Variants in ABCC6 observed in about 807,000 individuals in gnomAD.
ABCC6 encodes the protein ATP binding cassette subfamily C member 6, also known as ATP-binding cassette sub-family C member 6.
A neutral mutation model predicts 169.5 loss-of-function variants in ABCC6; 126 were observed. That is an observed-to-expected ratio of 0.74 (90% CI 0.64 to 0.86). ABCC6 has a LOEUF of 0.86. ABCC6 is among the 40% of genes least tolerant of loss of function. ABCC6 has a pLI of 0.00. For missense variants in ABCC6, 1,733 were observed against 1,927.2 expected (o/e 0.90, Z 1.89); for synonymous variants, 752 against 814.7 (o/e 0.92, Z 1.31).
At chr16:16,182,652 G>C in intron 16 of ABCC6, 64 bp from the exon 17 acceptor site, 1 of 1,594,832 alleles carries the variant, frequency 6.3e-7, no homozygotes, top group Non-Finnish European at 8.6e-7. Context: ...AGGTTTTGAG[G>C]AGCAGTGGGA....
At chr16:16,193,549 A>G (rs1438588598) in intron 10 of ABCC6, among the ~76,000 whole-genome samples, 4 of 152,136 alleles carry the variant, frequency 2.6e-5, no homozygotes, top group Non-Finnish European at 5.9e-5. Context: ...CACAGTCTCT[A>G]CTAAAAATAT....
intron 21 of ABCC6, among the ~76,000 whole-genome samples, chr16:16,172,238 T>G (rs1282190633): frequency 2.2e-5 from 3 of 133,698 alleles, no homozygotes; most frequent in Non-Finnish European, 4.7e-5. Flanking sequence ...AATGGGTGGG[T>G]GGGATGGATA....
intron 18 of ABCC6, among the ~76,000 whole-genome samples, chr16:16,178,467 A>G (rs888588627): frequency 6.6e-5 from 10 of 152,110 alleles, no homozygotes; most frequent in African/African-American, 2.4e-4. Flanking sequence ...TCTTGTAAAC[A>G]GCATATCCAA....
Position 16,151,071 on chromosome 16 carries a change from CT to C in ABCC6, c.4209-300del, listed in dbSNP as rs535584833. Among the ~76,000 whole-genome samples, 108 of 146,616 alleles carry C rather than the reference CT, an allele frequency of 7.4e-4. No individual in the cohort carries two copies. The East Asian group carries it at 0.013, about 18-fold the overall frequency. ...GGCTCTTTTTTTCTTCTTCGTTTTT[CT>C]TTTTTTTTTTGAGACGGAGTCTTGC... is the stretch of plus-strand genomic sequence containing the variant. On this transcript the variant is annotated intron_variant, in intron 29 of 30. Transcript: ENST00000205557.
Position 16,185,028 on chromosome 16 carries a change from C to T in ABCC6, c.1874G>A (p.Gly625Glu). The stretch of plus-strand genomic sequence containing the variant: ...ACTGTGTATGGTGATGCAATCCTTC[C>T]CGGCAGCTGCAGGGCACAAGAGGCC... ...VDSSSSGSAA[G>E]KDCITIHSAT... is the part of the protein sequence containing the mutation. Residue 625 changes from glycine (G) to glutamate (E), a missense_variant, in exon 15 of 31, where the codon GGG becomes GAG. Physicochemically the swap from Gly to Glu is moderately conservative, Grantham distance 98. Transcript: ENST00000205557. 2 of 1,613,614 alleles carry T rather than the reference C, an allele frequency of 1.2e-6. No individual in the cohort carries two copies. The highest frequency in any genetic ancestry group is 1.3e-5 in the African/African-American group (1 of 75,038).
intron 17 of ABCC6, 59 bp downstream of exon 17, chr16:16,182,353 A>G: frequency 6.3e-7 from 1 of 1,599,840 alleles, no homozygotes; most frequent in Non-Finnish European, 8.6e-7. Flanking sequence ...TGAGTCGGGG[A>G]CCCAAATGAC....
rs2046785128 is a variant in ABCC6, at chr16:16,163,330, G to T, written c.3307-138C>A. ...CTTACTGTGTGACCTTGGGCTAGTT[G>T]CTTGCCCTCTCTGGGTTCTCATTTC... On this transcript the variant is annotated intron_variant, in intron 23 of 30. Coordinates refer to ENST00000205557, the MANE Select transcript of ABCC6 (RefSeq NM_001171.6). The T allele has an allele frequency of 2.5e-5, 20 of 784,828 alleles. No individual in the cohort carries two copies. The South Asian group carries it at 2.7e-4, about 11-fold the overall frequency. The allele number at this position is 784,828 out of a possible 1,614,324, so 48.6% of individuals were successfully genotyped here.
intron 23 of ABCC6, among the ~76,000 whole-genome samples, chr16:16,165,167 T>C (rs1287357543): frequency 3.3e-5 from 5 of 152,186 alleles, no homozygotes; most frequent in Non-Finnish European, 7.3e-5. Flanking sequence ...TCCCAGAACT[T>C]TGGGAGGCCA....
Position 16,153,945 on chromosome 16 carries a change from T to A in ABCC6, c.4208+683A>T, listed in dbSNP as rs930389823. On this transcript the variant is annotated intron_variant, in intron 29 of 30. Coordinates refer to ENST00000205557, the MANE Select transcript of ABCC6 (RefSeq NM_001171.6). Reference sequence around the variant, plus strand: ...AAAAAAAAAAGGTTGAGATAGTAAATTTTATGTGTATCTTTCCACACAGCT... The same window carrying A: ...AAAAAAAAAAGGTTGAGATAGTAAAATTTATGTGTATCTTTCCACACAGCT... Among the ~76,000 whole-genome samples the A allele has an allele frequency of 3.7e-4, 56 of 151,180 alleles. 1 individual carries two copies. The highest frequency in any genetic ancestry group is 3.7e-3 in the Admixed American group (56 of 15,136).
Position 16,154,687 on chromosome 16 carries a change from C to T in ABCC6, c.4149G>A (p.Leu1383=), listed in dbSNP as rs757540398. Reference sequence around the variant, plus strand: ...GCAGCTGGCCGGGCAGGCTGGCCACCAAGGCTTTGAGCTGCACCGTCTCCA... The same window carrying T: ...GCAGCTGGCCGGGCAGGCTGGCCACTAAGGCTTTGAGCTGCACCGTCTCCA... ...AALETVQLKA[L]VASLPGQLQY... is the part of the protein sequence containing the mutation. The change falls in exon 29 of 31, where the codon TTG becomes TTA. Residue 1383 remains leucine, a synonymous_variant. Transcript: ENST00000205557. 2.5e-6 allele frequency: 4 copies of T among 1,613,448 alleles called. No homozygotes were observed. The highest frequency in any genetic ancestry group is 3.4e-6 in the Non-Finnish European group (4 of 1,179,990).
At chr16:16,221,084 A>G (rs1197487821) in intron 2 of ABCC6, 1 of 782,876 alleles carries the variant, frequency 1.3e-6, no homozygotes, top group African/African-American at 1.9e-5. Flanking sequence ...GGCGGGTGAT[A>G]ATGTAAAAAT....
At chr16:16,184,715 G>C (rs1220638973) in intron 15 of ABCC6, among the ~76,000 whole-genome samples, 1 of 152,056 alleles carries the variant, frequency 6.6e-6, no homozygotes, top group African/African-American at 2.4e-5. Context: ...TCCCCCTAAT[G>C]GGGGAGGCTC....
In ABCC6 at chr16:16,153,463, C is replaced by T. The variant is rs148590881; in HGVS notation, c.4208+1165G>A. On this transcript the variant is annotated intron_variant, in intron 29 of 30. Transcript: ENST00000205557. ...CAAAAGGACAGATCCTATGATTCTG[C>T]GTCTATGCAGTGTCTAGAGTAGTCA... Among the ~76,000 whole-genome samples, 185 of 152,134 alleles carry T rather than the reference C, an allele frequency of 1.2e-3. 1 individual carries two copies. In the Middle Eastern group the frequency reaches 0.024, roughly 20 times the overall value.
chr16:16,205,542 A>T (rs1473279475), intron 7 of ABCC6, among the ~76,000 whole-genome samples: 2 of 151,958 alleles, frequency 1.3e-5, no homozygotes, highest in Non-Finnish European at 2.9e-5. Flanking sequence ...GCATCTATGG[A>T]GGGTTGTGGT....
intron 2 of ABCC6, 85 bp downstream of exon 2, chr16:16,221,564 T>C: frequency 6.4e-7 from 1 of 1,557,572 alleles, no homozygotes; most frequent in Non-Finnish European, 8.7e-7. Flanking sequence ...AGGAGGAGTC[T>C]ACTTTAAGAC....
Position 16,177,596 on chromosome 16 carries a change from T to G in ABCC6, c.2446A>C (p.Ile816Leu). The change falls in exon 19 of 31, where the codon ATC becomes CTC. Residue 816 changes from isoleucine (I) to leucine (L), a missense_variant. This residue lies in a region of ABCC6 where 1,601 missense variants were observed against 1,635.5 expected (regional missense o/e 0.98). Coordinates refer to ENST00000205557, the MANE Select transcript of ABCC6 (RefSeq NM_001171.6). ...ATGATCCAATCAGCCTGGGGCAGGA[T>G]GTGGAGTGCGTGCGTCACGAGAATC... ...TRILVTHALH[I>L]LPQADWIIVL... The G allele has an allele frequency of 6.2e-7, 1 of 1,614,170 alleles. No homozygotes were observed. Among genetic ancestry groups the G allele is most frequent in the Non-Finnish European group, 8.5e-7 (1 of 1,180,030 alleles).
At chr16:16,194,353 T>G (rs2047965075) in intron 10 of ABCC6, among the ~76,000 whole-genome samples, 1 of 152,252 alleles carries the variant, frequency 6.6e-6, no homozygotes, top group Non-Finnish European at 1.5e-5. Flanking sequence ...GGTTTTAGTC[T>G]AAGTCTCGTG....
chr16:16,207,339 A>C (rs2048424983), intron 7 of ABCC6, among the ~76,000 whole-genome samples: 1 of 152,156 alleles, frequency 6.6e-6, no homozygotes, highest in South Asian at 2.1e-4. Flanking sequence ...CTTCCTTGGG[A>C]TTTACTATAT....
chr16:16,176,128 C>T (rs2047271190), intron 19 of ABCC6, 142 bp from the exon 20 acceptor site: 7 of 764,594 alleles, frequency 9.2e-6, no homozygotes, highest in Admixed American at 5.9e-5. Flanking sequence ...TCTCTCAACA[C>T]CCCACTCTGA....
Sources: allele counts gnomAD v4.1 joint callset (sites outside exome capture counted in the v4.1 genomes callset), GRCh38; gene constraint gnomAD v4.1.1; regional missense constraint gnomAD v4.1.1; transcripts MANE v1.5; gene names NCBI Gene and HGNC (gene_info 2026-07-23, HGNC 2026-07-21).